Variants in GSK3B observed in about 807,000 individuals in gnomAD.
GSK3B encodes glycogen synthase kinase-3 beta.
A neutral mutation model predicts 56.4 loss-of-function variants in GSK3B; 15 were observed. The observed-to-expected ratio is 0.27, with a 90% CI of 0.18 to 0.41. The LOEUF (loss-of-function observed/expected upper bound fraction) is 0.41, where lower values mean the gene tolerates loss of function less well. GSK3B is among the 10% of genes least tolerant of loss of function. The pLI is 1.00. For missense variants in GSK3B, 300 were observed against 513.4 expected (o/e 0.58, Z 4.02); for synonymous variants, 181 against 188.9 (o/e 0.96, Z 0.34).
intron 7 of GSK3B, among the ~76,000 whole-genome samples, chr3:119,888,127 T>G (rs1225490767): frequency 6.6e-6 from 1 of 152,138 alleles, no homozygotes; most frequent in African/African-American, 2.4e-5. Flanking sequence ...GGCATTCTGA[T>G]CTACACAAAG....
chr3:119,886,379 T>TA (rs1230671224), intron 7 of GSK3B, among the ~76,000 whole-genome samples: 6 of 151,642 alleles, frequency 4.0e-5, no homozygotes, highest in East Asian at 1.9e-4. Context: ...AATTAAAAAG[T>TA]AAAAAAACAA....
At chr3:119,862,852 CA>C (rs1457531138) in intron 9 of GSK3B, among the ~76,000 whole-genome samples, 5 of 152,114 alleles carry the variant, frequency 3.3e-5, no homozygotes, top group Admixed American at 2.0e-4. Flanking sequence ...CCAGAAACCA[CA>C]ATGCACAAAG....
intron 3 of GSK3B, among the ~76,000 whole-genome samples, chr3:119,932,789 A>G (rs2056959227): frequency 6.6e-6 from 1 of 152,240 alleles, no homozygotes; most frequent in African/African-American, 2.4e-5. Context: ...GAAGTCAACA[A>G]GAAAAAACCA....
chr3:119,964,177 A>C (rs2057299153), intron 2 of GSK3B, among the ~76,000 whole-genome samples: 1 of 152,222 alleles, frequency 6.6e-6, no homozygotes, highest in South Asian at 2.1e-4. Context: ...GAGATGAATA[A>C]AAAATAAGCA....
intron 3 of GSK3B, among the ~76,000 whole-genome samples, chr3:119,937,386 G>A (rs2057006196): frequency 6.6e-6 from 1 of 151,970 alleles, no homozygotes; most frequent in Non-Finnish European, 1.5e-5. Context: ...CTGCTATCTG[G>A]CCACGTAACC....
In GSK3B at chr3:120,082,385, CTTT is replaced by C. The variant is rs1173737285; in HGVS notation, c.88+10959_88+10961del. Among the ~76,000 whole-genome samples, 644 of 66,234 alleles carry C rather than the reference CTTT, an allele frequency of 9.7e-3. 1 individual carries two copies. The highest frequency in any genetic ancestry group is 0.03 in the African/African-American group (604 of 19,840). 43.5% of individuals were successfully genotyped at this position (66,234 alleles called of 152,430 possible). On this transcript the variant is annotated intron_variant, in intron 1 of 10. Coordinates refer to ENST00000264235, the MANE Select transcript of GSK3B (RefSeq NM_001146156.2). Reference sequence around the variant, plus strand: ...TGTGGCTAGCCCAAATTAGTATGTTCTTTTTTTTTTTTTTTTTTTTTTTTTTTT... The same window carrying C: ...TGTGGCTAGCCCAAATTAGTATGTTCTTTTTTTTTTTTTTTTTTTTTTTTT...
At chr3:119,973,056 G>A (rs1480653956) in intron 2 of GSK3B, among the ~76,000 whole-genome samples, 1 of 152,120 alleles carries the variant, frequency 6.6e-6, no homozygotes, top group Non-Finnish European at 1.5e-5. Flanking sequence ...AATCGTAAAA[G>A]CTGCCACTAA....
chr3:120,003,098 T>C (rs1405005829), intron 1 of GSK3B, among the ~76,000 whole-genome samples: 1 of 152,190 alleles, frequency 6.6e-6, no homozygotes. Flanking sequence ...GAATGTTAAT[T>C]TGGGGTTAAC....
chr3:119,905,201 AAAT>A (rs1393020925), intron 7 of GSK3B, among the ~76,000 whole-genome samples: 1 of 151,682 alleles, frequency 6.6e-6, no homozygotes, highest in African/African-American at 2.4e-5. Flanking sequence ...ATAAAATTTA[AAAT>A]AAATAAAATT....
intron 1 of GSK3B, among the ~76,000 whole-genome samples, chr3:120,016,671 A>G (rs1202934232): frequency 6.6e-6 from 1 of 152,194 alleles, no homozygotes; most frequent in African/African-American, 2.4e-5. Flanking sequence ...TGAAATATCC[A>G]TACTTCTTCT....
chr3:119,891,780 TA>T (rs944506304), intron 7 of GSK3B, among the ~76,000 whole-genome samples: 32 of 152,130 alleles, frequency 2.1e-4, no homozygotes, highest in Non-Finnish European at 3.2e-4. Context: ...GGGGGAATTT[TA>T]AAAATTATCA....
intron 1 of GSK3B, among the ~76,000 whole-genome samples, chr3:120,043,385 C>T (rs935103468): frequency 6.6e-6 from 1 of 152,158 alleles, no homozygotes; most frequent in Non-Finnish European, 1.5e-5. Context: ...TGATGACCAC[C>T]TTGTTATCAA....
At chr3:120,007,289 G>T (rs186740821) in intron 1 of GSK3B, among the ~76,000 whole-genome samples, 1 of 152,108 alleles carries the variant, frequency 6.6e-6, no homozygotes, top group Non-Finnish European at 1.5e-5. Flanking sequence ...ACCAAAAAAA[G>T]TCCAGGACCA....
intron 1 of GSK3B, among the ~76,000 whole-genome samples, chr3:120,012,078 T>C (rs2057783498): frequency 6.6e-6 from 1 of 152,228 alleles, no homozygotes; most frequent in African/African-American, 2.4e-5. Context: ...CTTTTATAGT[T>C]TTCTGGCCTC....
intron 6 of GSK3B, among the ~76,000 whole-genome samples, chr3:119,908,184 G>T (rs2056701482): frequency 6.6e-6 from 1 of 152,128 alleles, no homozygotes; most frequent in Admixed American, 6.5e-5. Context: ...GGCTTGCTAG[G>T]GTTCAAAAGA....
chr3:119,920,158 T>C (rs2056825120), intron 4 of GSK3B, among the ~76,000 whole-genome samples: 1 of 152,182 alleles, frequency 6.6e-6, no homozygotes, highest in African/African-American at 2.4e-5. Context: ...TAAATTTTAT[T>C]TGAAAATTTA....
intron 2 of GSK3B, among the ~76,000 whole-genome samples, chr3:120,000,026 AAGG>A (rs1323472379): frequency 6.6e-6 from 1 of 152,228 alleles, no homozygotes; most frequent in African/African-American, 2.4e-5. Flanking sequence ...AGAGATTAGA[AAGG>A]AGAAGACTAA....
At chr3:120,000,918 CTTTTTTTTTTT>C (rs71156781) in intron 2 of GSK3B, among the ~76,000 whole-genome samples, 14 of 91,054 alleles carry the variant, frequency 1.5e-4, no homozygotes, top group Admixed American at 4.5e-4. Flanking sequence ...ATGTAATCTC[CTTTTTTTTTTT>C]TTTTTTTTTT....
chr3:119,875,270 A>C (rs947525007), intron 8 of GSK3B, among the ~76,000 whole-genome samples: 1 of 152,016 alleles, frequency 6.6e-6, no homozygotes. Context: ...AAGTAACTGG[A>C]ATCATAATAT....
Sources: gnomAD v4.1 joint callset for allele counts (sites outside exome capture counted in the v4.1 genomes callset) on GRCh38, gnomAD v4.1.1 for gene constraint, MANE v1.5 for transcripts, NCBI Gene and HGNC (gene_info 2026-07-23, HGNC 2026-07-21) for gene names.